BCAS3: variants seen among roughly 807,000 people sequenced by gnomAD.
BCAS3 encodes BCAS4/BCAS3 fusion.
BCAS3 carries 53 observed loss-of-function variants against 116.1 expected under a neutral mutation model. The observed-to-expected ratio is 0.46, with a 90% CI of 0.37 to 0.57. The LOEUF is 0.57. Ranked by LOEUF, BCAS3 falls within the 20% of genes least tolerant of loss-of-function variation. BCAS3 has a pLI of 0.00. For synonymous variants in BCAS3, 391 were observed against 408.2 expected (o/e 0.96, Z 0.51); for missense variants, 917 against 1,165.4 (o/e 0.79, Z 3.10).
chr17:60,708,463 C>G (rs962583773), intron 4 of BCAS3, among the ~76,000 whole-genome samples: 1 of 152,034 alleles, frequency 6.6e-6, no homozygotes, highest in African/African-American at 2.4e-5. Context: ...TGCTTAAAGG[C>G]TCCTTCCACT....
chr17:61,059,083 T>C, intron 19 of BCAS3, among the ~76,000 whole-genome samples: 1 of 122,054 alleles, frequency 8.2e-6, no homozygotes, highest in Non-Finnish European at 1.7e-5. Context: ...TTTTTTTTTT[T>C]TTTTTTTTTT....
chr17:61,153,617 C>T (rs1192896075), intron 22 of BCAS3, among the ~76,000 whole-genome samples: 2 of 152,180 alleles, frequency 1.3e-5, no homozygotes, highest in Non-Finnish European at 2.9e-5. Flanking sequence ...TTATCATCTG[C>T]TTTACCATAA....
In BCAS3 at chr17:61,144,311, C is replaced by G. The variant is rs558957281; in HGVS notation, c.2425+59747C>G. 2.5e-4 allele frequency among the ~76,000 whole-genome samples: 38 copies of G among 152,308 alleles called. No homozygotes were observed. The highest frequency in any genetic ancestry group is 4.0e-4 in the Non-Finnish European group (27 of 68,024). On this transcript the variant is annotated intron_variant, in intron 22 of 23. Transcript: ENST00000407086. This position sits in a 1 kb window ranked among gnomAD's most constrained non-coding sequence, Gnocchi z 5.0. ...TATAAGGCAAGTGACTCCCTACCATCTCCTCCGAGTCTTCTACGTGTATGT... is the reference window on the plus strand; with the variant it reads ...TATAAGGCAAGTGACTCCCTACCATGTCCTCCGAGTCTTCTACGTGTATGT...
At chr17:61,048,360 A>C (rs1028483607) in intron 19 of BCAS3, among the ~76,000 whole-genome samples, 1 of 151,990 alleles carries the variant, frequency 6.6e-6, no homozygotes, top group Non-Finnish European at 1.5e-5. Context: ...GATCCCTGAG[A>C]GATGGGAAAC....
In BCAS3 at chr17:61,324,547, T is replaced by G. The variant is rs901946320; in HGVS notation, c.2426-43780T>G. Among the ~76,000 whole-genome samples, 1 of 152,148 alleles carries G rather than the reference T, an allele frequency of 6.6e-6. No individual in the cohort carries two copies. Among genetic ancestry groups the G allele is most frequent in the Non-Finnish European group, 1.5e-5 (1 of 68,016 alleles). On this transcript the variant is annotated intron_variant, in intron 22 of 23. Coordinates refer to ENST00000407086, the MANE Select transcript of BCAS3 (RefSeq NM_017679.5). The surrounding 1 kb of genome is among the most constrained non-coding windows in gnomAD (Gnocchi z 4.6). ...CCCGGGTTGGCTGTGTGTTAAAAAA[T>G]CAAACTGAAATCGCCTCCAAAAGGA...
intron 19 of BCAS3, among the ~76,000 whole-genome samples, chr17:61,069,668 T>C (rs747960859): frequency 2.1e-4 from 32 of 151,514 alleles, no homozygotes; most frequent in Non-Finnish European, 3.5e-4. Flanking sequence ...CAAAATCCCG[T>C]CTCTACTAAA....
chr17:61,076,978 A>G (rs555327475), intron 20 of BCAS3, among the ~76,000 whole-genome samples: 3 of 152,312 alleles, frequency 2.0e-5, no homozygotes, highest in Non-Finnish European at 2.9e-5. Flanking sequence ...ATTAATCACC[A>G]CAATCAGAGA....
intron 22 of BCAS3, among the ~76,000 whole-genome samples, chr17:61,115,866 A>C (rs1480907067): frequency 6.6e-6 from 1 of 151,766 alleles, no homozygotes; most frequent in Non-Finnish European, 1.5e-5. Context: ...GATAGACCGG[A>C]TTAAGAAAAT....
chr17:61,242,844 T>A (rs200272361), intron 22 of BCAS3, among the ~76,000 whole-genome samples: 3,084 of 149,536 alleles, frequency 0.021, 93 homozygotes, highest in African/African-American at 0.071. Flanking sequence ...TGGAATTCTT[T>A]AAAAAAAAAC....
At chr17:60,716,603 C>T (rs1380661284) in intron 5 of BCAS3, among the ~76,000 whole-genome samples, 8 of 151,832 alleles carry the variant, frequency 5.3e-5, no homozygotes, top group Admixed American at 4.6e-4. Context: ...CTCACCAAAA[C>T]CACAAAAATT....
intron 12 of BCAS3, among the ~76,000 whole-genome samples, chr17:60,915,663 T>C (rs1279114574): frequency 7.1e-6 from 1 of 140,698 alleles, no homozygotes; most frequent in African/African-American, 3.3e-5. Flanking sequence ...GGTTGCAGCA[T>C]GTAGTTCGTA....
chr17:61,071,351 A>G (rs1048532724), intron 19 of BCAS3, among the ~76,000 whole-genome samples: 1 of 152,176 alleles, frequency 6.6e-6, no homozygotes, highest in South Asian at 2.1e-4. Flanking sequence ...TTTTCCTTTT[A>G]AAGAATAATG....
At chr17:60,752,160 GT>G (rs1479420507) in intron 6 of BCAS3, among the ~76,000 whole-genome samples, 4 of 136,788 alleles carry the variant, frequency 2.9e-5, no homozygotes, top group African/African-American at 1.4e-4. Context: ...TGAAGGGTGT[GT>G]GTGTGTGTGT....
intron 10 of BCAS3, 129 bp from the exon 11 acceptor site, chr17:60,902,491 T>A: frequency 4.1e-6 from 3 of 732,256 alleles, no homozygotes; most frequent in Non-Finnish European, 6.9e-6. Flanking sequence ...TTGTCTGAAA[T>A]ACACTCATGC....
intron 14 of BCAS3, among the ~76,000 whole-genome samples, chr17:60,963,232 T>C (rs1245768553): frequency 1.3e-5 from 2 of 149,218 alleles, no homozygotes; most frequent in Admixed American, 1.3e-4. Context: ...TGTGGCTCCA[T>C]ATAAATGTTA....
rs767393623 is a variant in BCAS3, at chr17:61,388,669, A to C, written c.2594-3308A>C. The C allele has an allele frequency of 3.2e-6, 5 of 1,548,752 alleles. No individual in the cohort carries two copies. Among genetic ancestry groups the C allele is most frequent in the Middle Eastern group, 1.7e-4 (1 of 6,024 alleles). On this transcript the variant is annotated intron_variant, in intron 23 of 23. Coordinates refer to ENST00000407086, the MANE Select transcript of BCAS3 (RefSeq NM_017679.5). This position sits in a 1 kb window ranked among gnomAD's most constrained non-coding sequence, Gnocchi z 6.5. ...TGCCAACAGCCCAGCGTCCGTGAGC[A>C]ACCCAACAGTAACAAAGCATGCGTT...
chr17:60,712,832 A>G (rs1437771115), intron 5 of BCAS3, among the ~76,000 whole-genome samples: 1 of 152,184 alleles, frequency 6.6e-6, no homozygotes, highest in Non-Finnish European at 1.5e-5. Flanking sequence ...GGAGAAGGAG[A>G]TGGAGGAATG....
At chr17:61,185,966 A>G (rs528257606) in intron 22 of BCAS3, among the ~76,000 whole-genome samples, 4 of 152,350 alleles carry the variant, frequency 2.6e-5, no homozygotes, top group Middle Eastern at 3.4e-3. Flanking sequence ...ATATAAGAAA[A>G]TACACAATTC....
intron 12 of BCAS3, among the ~76,000 whole-genome samples, chr17:60,924,032 G>A (rs1262216140): frequency 1.3e-5 from 2 of 152,042 alleles, no homozygotes; most frequent in East Asian, 1.9e-4. Flanking sequence ...CCAGCAGATC[G>A]CATAACACAG....
Sources: gnomAD v4.1 joint callset for allele counts (sites outside exome capture counted in the v4.1 genomes callset) on GRCh38, gnomAD v4.1.1 for gene constraint, Gnocchi (gnomAD v3.1) non-coding constraint, MANE v1.5 for transcripts, NCBI Gene and HGNC (gene_info 2026-07-23, HGNC 2026-07-21) for gene names.